The following ADARB1 variants were observed in gnomAD, a reference collection of about 807,000 sequenced individuals.
ADARB1 encodes the protein adenosine deaminase RNA specific B1, also known as double-stranded RNA-specific editase 1.
In ADARB1, 10 loss-of-function variants were observed where a neutral mutation model predicts 52.4. The observed-to-expected ratio is 0.19, with a 90% CI of 0.12 to 0.32. The LOEUF is 0.32. ADARB1 is among the 10% of genes least tolerant of loss of function. ADARB1 has a pLI of 1.00. For synonymous variants in ADARB1, 349 were observed against 371.1 expected, an observed-to-expected ratio of 0.94 and a Z score of 0.68; for missense variants, 643 against 922.3, an observed-to-expected ratio of 0.70 and a Z score of 3.92.
chr21:45,106,642 T>C (rs1349573561), intron 1 of ADARB1, among the ~76,000 whole-genome samples: 1 of 152,250 alleles, frequency 6.6e-6, no homozygotes, highest in Non-Finnish European at 1.5e-5. Context: ...TTTAGTGCTA[T>C]CTATGATAGG....
At chr21:45,158,444 A>G (rs1042444072) in intron 2 of ADARB1, among the ~76,000 whole-genome samples, 1 of 152,206 alleles carries the variant, frequency 6.6e-6, no homozygotes, top group African/African-American at 2.4e-5. Flanking sequence ...TAGGTGTAAA[A>G]TATATAGTAT....
At chr21:45,119,724 ATC>A (rs2088047669) in intron 1 of ADARB1, among the ~76,000 whole-genome samples, 1 of 152,230 alleles carries the variant, frequency 6.6e-6, no homozygotes, top group African/African-American at 2.4e-5. Context: ...GGTTCTATAC[ATC>A]TGTTTCGAAA....
intron 1 of ADARB1, among the ~76,000 whole-genome samples, chr21:45,115,726 T>C (rs1358803029): frequency 6.6e-6 from 1 of 152,236 alleles, no homozygotes; most frequent in African/African-American, 2.4e-5. Context: ...AGAAGTCGTA[T>C]GGTTTTTCTT....
In ADARB1 at chr21:45,223,524, A is replaced by G. The variant is rs1302628616; in HGVS notation, c.*1327A>G. ...TCAGGATGAAAGAGGAGCTGAGAGAAGTGCTCTGCCTGCCAGTGCAGTGCC... is the reference window on the plus strand; with the variant it reads ...TCAGGATGAAAGAGGAGCTGAGAGAGGTGCTCTGCCTGCCAGTGCAGTGCC... On this transcript the variant is annotated 3_prime_UTR_variant, in exon 11 of 11. Transcript: ENST00000348831. 38 of 985,564 alleles carry G rather than the reference A, an allele frequency of 3.9e-5. No individual in the cohort carries two copies. Among genetic ancestry groups the G allele is most frequent in the Non-Finnish European group, 4.6e-5 (38 of 830,124 alleles). The allele number at this position is 985,564 out of a possible 1,614,324, so 61.1% of individuals were successfully genotyped here.
At chr21:45,125,822 A>T (rs1601463530) in intron 1 of ADARB1, among the ~76,000 whole-genome samples, 1 of 152,212 alleles carries the variant, frequency 6.6e-6, no homozygotes, top group East Asian at 1.9e-4. Flanking sequence ...GTTATATGTA[A>T]TTAATACAGG....
At chr21:45,109,468 CAGGTGG>C (rs1157146828) in intron 1 of ADARB1, among the ~76,000 whole-genome samples, 1 of 152,212 alleles carries the variant, frequency 6.6e-6, no homozygotes, top group Non-Finnish European at 1.5e-5. Context: ...GCTTGGTCAA[CAGGTGG>C]AAAAGTATCC....
rs140040657 is a variant in ADARB1, at chr21:45,094,598, C to T, written c.-220+19805C>T. Among the ~76,000 whole-genome samples the T allele has an allele frequency of 3.2e-4, 49 of 152,222 alleles. 1 individual carries two copies. The East Asian group carries it at 9.3e-3, about 29-fold the overall frequency. ...CTATGTCTGCTTGTGTTTCTGCTCT[C>T]AAGGTTTCTACGGCCCTGCACGTGG... On this transcript the variant is annotated intron_variant, in intron 1 of 10. Coordinates refer to ENST00000348831, the MANE Select transcript of ADARB1 (RefSeq NM_001112.4).
Position 45,222,139 on chromosome 21 carries a change from G to T in ADARB1, c.2048G>T (p.Gly683Val). 6.2e-7 allele frequency: 1 copy of T among 1,610,230 alleles called. No homozygotes were observed. Among genetic ancestry groups the T allele is most frequent in the South Asian group, 1.1e-5 (1 of 90,588 alleles). Residue 683 changes from glycine (G) to valine (V), a missense_variant, in exon 11 of 11, where the codon GGG (glycine) becomes GTG (valine). Gly to Val is a moderately radical substitution (Grantham distance 109). Transcript: ENST00000348831. ...ARLFTAFIKA[G>V]LGAWVEKPTE... is the part of the protein sequence containing the mutation. The stretch of plus-strand genomic sequence containing the variant: ...CTGTTCACAGCCTTCATCAAGGCGG[G>T]GCTGGGGGCCTGGGTGGAGAAGCCC...
chr21:45,203,159 C>T (rs2092595844), intron 8 of ADARB1, among the ~76,000 whole-genome samples: 1 of 152,164 alleles, frequency 6.6e-6, no homozygotes, highest in South Asian at 2.1e-4. Flanking sequence ...GAATACCGCC[C>T]CCTCCCTCAT....
At chr21:45,087,050 T>C (rs2086373680) in intron 1 of ADARB1, among the ~76,000 whole-genome samples, 1 of 152,226 alleles carries the variant, frequency 6.6e-6, no homozygotes, top group African/African-American at 2.4e-5. Context: ...TTGTGCACAC[T>C]ATTAGGTCCT....
intron 8 of ADARB1, among the ~76,000 whole-genome samples, chr21:45,193,029 C>T (rs1239632259): frequency 6.6e-6 from 1 of 152,170 alleles, no homozygotes; most frequent in Non-Finnish European, 1.5e-5. Flanking sequence ...GGAAGAAATA[C>T]CCATTTTGCA....
chr21:45,100,441 C>G (rs778476543), intron 1 of ADARB1: 12 of 152,280 alleles, frequency 7.9e-5, no homozygotes, highest in Non-Finnish European at 1.6e-4. Flanking sequence ...CCATCCCTGC[C>G]CTTCCCAGCT....
At chr21:45,095,380 C>G (rs2086715473) in intron 1 of ADARB1, among the ~76,000 whole-genome samples, 1 of 152,372 alleles carries the variant, frequency 6.6e-6, no homozygotes, top group East Asian at 1.9e-4. Context: ...CCATCCTGCC[C>G]CCTTTCAGCT....
chr21:45,196,876 G>A (rs1028357165), intron 8 of ADARB1, among the ~76,000 whole-genome samples: 1 of 152,222 alleles, frequency 6.6e-6, no homozygotes, highest in African/African-American at 2.4e-5. Context: ...GGCTAGGTAT[G>A]TAAATAGAAC....
At chr21:45,167,826 C>G (rs1203286363) in intron 2 of ADARB1, among the ~76,000 whole-genome samples, 4 of 152,136 alleles carry the variant, frequency 2.6e-5, no homozygotes, top group South Asian at 2.1e-4. Flanking sequence ...TGAACGTAAG[C>G]CTTCATTTCT....
At chr21:45,140,621 G>GTGTGTGTGTGCGTGAGTGTA (rs1360623140) in intron 2 of ADARB1, among the ~76,000 whole-genome samples, 26 of 152,144 alleles carry the variant, frequency 1.7e-4, no homozygotes, top group African/African-American at 4.1e-4. Flanking sequence ...TACACCATCT[G>GTGTGTGTGTGCGTGAGTGTA]TGTGTGTGTG....
In ADARB1 at chr21:45,223,662, G is replaced by A; in HGVS notation, c.*1465G>A. The A allele has an allele frequency of 1.0e-6, 1 of 985,560 alleles. No individual in the cohort carries two copies. Among genetic ancestry groups the A allele is most frequent in the Non-Finnish European group, 1.2e-6 (1 of 830,088 alleles). 61.1% of individuals were successfully genotyped at this position (985,560 alleles called of 1,614,324 possible). On this transcript the variant is annotated 3_prime_UTR_variant, in exon 11 of 11. Transcript: ENST00000348831. ...TGCCACAGCGAAATCCAGGGTGTTG[G>A]CACCTGTGTGTCCGTGATGAGCCTA... is the stretch of plus-strand genomic sequence containing the variant.
rs938149839 is a variant in ADARB1, at chr21:45,220,388, C to T, written c.1748-448C>T. On this transcript the variant is annotated intron_variant, in intron 9 of 10. Coordinates refer to ENST00000348831, the MANE Select transcript of ADARB1 (RefSeq NM_001112.4). This position sits in a 1 kb window ranked among gnomAD's most constrained non-coding sequence, Gnocchi z 6.3. The stretch of plus-strand genomic sequence containing the variant: ...GGGGAGCACATGCAGGCATGAGCGC[C>T]AGAGGTGGTGTGATACAGGAGCAAC... Among the ~76,000 whole-genome samples, 25 of 152,304 alleles carry T rather than the reference C, an allele frequency of 1.6e-4. No individual in the cohort carries two copies. Among genetic ancestry groups the T allele is most frequent in the African/African-American group, 4.8e-4 (20 of 41,560 alleles).
At chr21:45,099,230 C>A (rs1055543357) in intron 1 of ADARB1, among the ~76,000 whole-genome samples, 4 of 152,036 alleles carry the variant, frequency 2.6e-5, no homozygotes, top group African/African-American at 9.7e-5. Flanking sequence ...GGCTGGTGAC[C>A]GGGGAACTGT....
Sources: allele counts gnomAD v4.1 joint callset (sites outside exome capture counted in the v4.1 genomes callset), GRCh38; gene constraint gnomAD v4.1.1; non-coding constraint Gnocchi (gnomAD v3.1); transcripts MANE v1.5; gene names NCBI Gene and HGNC (gene_info 2026-07-23, HGNC 2026-07-21).